Variants in ABLIM2 observed in about 807,000 individuals in gnomAD.
The protein encoded by ABLIM2 is actin-binding LIM protein 2.
ABLIM2 carries 53 observed loss-of-function variants against 97.7 expected under a neutral mutation model. The ratio of observed to expected loss-of-function variants is 0.54; its 90% CI spans 0.44 to 0.68. The LOEUF is 0.68. Among genes scored for constraint, ABLIM2 ranks in the 30% least tolerant of loss-of-function variants. The probability of loss-of-function intolerance (pLI) is 0.00; values close to 1 mark genes in which losing one functional copy is unlikely to be tolerated. For missense variants in ABLIM2, 835 were observed against 867.2 expected (o/e 0.96, Z 0.47); for synonymous variants, 361 against 345.8 (o/e 1.04, Z -0.49).
At chr4:8,029,870 C>T (rs575429795) in intron 10 of ABLIM2, 94 bp from the exon 11 acceptor site, 37 of 1,473,208 alleles carry the variant, frequency 2.5e-5, no homozygotes, top group Non-Finnish European at 3.2e-5. Flanking sequence ...TGTTTGCCCT[C>T]CTGACCCAAG....
intron 1 of ABLIM2, among the ~76,000 whole-genome samples, chr4:8,135,958 G>A (rs950128634): frequency 2.0e-5 from 3 of 152,202 alleles, no homozygotes; most frequent in Non-Finnish European, 2.9e-5. Context: ...CACCTGCCAC[G>A]GAGCTGCTGA....
At chr4:7,991,756 G>A (rs769870222) in intron 17 of ABLIM2, among the ~76,000 whole-genome samples, 2 of 152,120 alleles carry the variant, frequency 1.3e-5, no homozygotes, top group Non-Finnish European at 2.9e-5. Context: ...CTGGGCCCTG[G>A]GGGAGATCCG....
At chr4:8,134,385 G>A (rs912570147) in intron 1 of ABLIM2, among the ~76,000 whole-genome samples, 15 of 152,182 alleles carry the variant, frequency 9.9e-5, no homozygotes, top group Admixed American at 6.5e-4. Context: ...GGAGGCACTC[G>A]CCCAGGCCGG....
At chr4:8,057,744 C>T (rs1316103193) in intron 7 of ABLIM2, among the ~76,000 whole-genome samples, 4 of 152,184 alleles carry the variant, frequency 2.6e-5, no homozygotes, top group Admixed American at 1.3e-4. Context: ...GGTGGCATTG[C>T]GGGGGTTGGC....
Position 8,046,473 on chromosome 4 carries a change from C to T in ABLIM2, c.823-1232G>A, listed in dbSNP as rs1360794620. On this transcript the variant is annotated intron_variant, in intron 8 of 20. Transcript: ENST00000447017. This position sits in a 1 kb window ranked among gnomAD's most constrained non-coding sequence, Gnocchi z 4.4. ...TATCCACAGAGGCCTCCCCAGCCCT[C>T]AGCAGCCAAGAGCTCAGCCCTCACT... Among the ~76,000 whole-genome samples, 1 of 152,180 alleles carries T rather than the reference C, an allele frequency of 6.6e-6. No homozygotes were observed. The highest frequency in any genetic ancestry group is 1.5e-5 in the Non-Finnish European group (1 of 68,032).
At position 8,019,220 on chromosome 4, in the gene ABLIM2, T is replaced by C. The variant is rs1466475329; in HGVS notation, c.1423+398A>G. Among the ~76,000 whole-genome samples the C allele has an allele frequency of 6.6e-6, 1 of 152,224 alleles. No homozygotes were observed. Among genetic ancestry groups the C allele is most frequent in the Non-Finnish European group, 1.5e-5 (1 of 68,048 alleles). ...GAGGAATAAACGACCGATTCAAGTT[T>C]GTTCTATATTCCAAAGATCGGGCCT... On this transcript the variant is annotated intron_variant, in intron 14 of 20. Coordinates refer to ENST00000447017, the MANE Select transcript of ABLIM2 (RefSeq NM_001130083.2). The surrounding 1 kb of genome is among the most constrained non-coding windows in gnomAD (Gnocchi z 4.3).
intron 1 of ABLIM2, among the ~76,000 whole-genome samples, chr4:8,156,407 A>G (rs1471275509): frequency 6.6e-6 from 1 of 152,144 alleles, no homozygotes; most frequent in African/African-American, 2.4e-5. Context: ...CCTGTCTGGT[A>G]TGGGATGCCA....
chr4:7,996,424 G>C lies in ABLIM2; in HGVS notation c.1619-3497C>G, dbSNP rs893636484. ...GGTTCCCAGTGCCCAGGCTGCCGCC[G>C]ACCGGTCTCAACTTTTAACCACTTC... On this transcript the variant is annotated intron_variant, in intron 16 of 20. Coordinates refer to ENST00000447017, the MANE Select transcript of ABLIM2 (RefSeq NM_001130083.2). This position sits in a 1 kb window ranked among gnomAD's most constrained non-coding sequence, Gnocchi z 4.5. 6.6e-6 allele frequency among the ~76,000 whole-genome samples: 1 copy of C among 152,162 alleles called. No individual in the cohort carries two copies. Among genetic ancestry groups the C allele is most frequent in the South Asian group, 2.1e-4 (1 of 4,830 alleles).
At chr4:7,994,616 T>TCACCTTATACAAA (rs1751782355) in intron 16 of ABLIM2, among the ~76,000 whole-genome samples, 1 of 78,584 alleles carries the variant, frequency 1.3e-5, no homozygotes, top group African/African-American at 3.9e-5. Flanking sequence ...ATATACCCAG[T>TCACCTTATACAAA]AATGGGATGG....
chr4:7,973,501 GA>G (rs35927675), intron 20 of ABLIM2, among the ~76,000 whole-genome samples: 14,897 of 139,140 alleles, frequency 0.11, 956 homozygotes, highest in Non-Finnish European at 0.15. Context: ...ACTACGTCTT[GA>G]AAAAAAAAAA....
In ABLIM2 at chr4:8,046,216, C is replaced by A. The variant is rs1004536405; in HGVS notation, c.823-975G>T. On this transcript the variant is annotated intron_variant, in intron 8 of 20. Transcript: ENST00000447017. This position sits in a 1 kb window ranked among gnomAD's most constrained non-coding sequence, Gnocchi z 4.4. ...TCCCCTGGGCTGATGGTTTTTGTGA[C>A]TGTCCTGCCTCTCCCCCCACCTCAG... is the stretch of plus-strand genomic sequence containing the variant. 5.9e-5 allele frequency among the ~76,000 whole-genome samples: 9 copies of A among 152,142 alleles called. No individual in the cohort carries two copies. Among genetic ancestry groups the A allele is most frequent in the Non-Finnish European group, 7.4e-5 (5 of 68,020 alleles).
intron 1 of ABLIM2, among the ~76,000 whole-genome samples, chr4:8,119,322 TTC>T (rs372989607): frequency 2.3e-5 from 3 of 129,986 alleles, no homozygotes; most frequent in Non-Finnish European, 5.1e-5. Context: ...TCGGGCTTCC[TTC>T]TTTTTTTTTT....
At chr4:8,109,733 G>A (rs935526216) in intron 1 of ABLIM2, among the ~76,000 whole-genome samples, 5 of 152,222 alleles carry the variant, frequency 3.3e-5, no homozygotes, top group Admixed American at 2.6e-4. Context: ...AGAGGGGTTG[G>A]CCTGGGAAGC....
Position 8,043,849 on chromosome 4 carries a change from G to A in ABLIM2, c.900+1315C>T, listed in dbSNP as rs561538711. 4.1e-4 allele frequency among the ~76,000 whole-genome samples: 63 copies of A among 152,342 alleles called. 1 individual carries two copies. The South Asian group carries it at 0.012, about 28-fold the overall frequency. Reference sequence around the variant, plus strand: ...GCAGCGCCTCAGTGAGCCCTGGACCGAAGGTGCCTGGGGGTCTCCGTGGAT... The same window carrying A: ...GCAGCGCCTCAGTGAGCCCTGGACCAAAGGTGCCTGGGGGTCTCCGTGGAT... On this transcript the variant is annotated intron_variant, in intron 9 of 20. Transcript: ENST00000447017. The surrounding 1 kb of genome is among the most constrained non-coding windows in gnomAD (Gnocchi z 4.8).
rs1260652561 is a variant in ABLIM2, at chr4:8,127,656, G to A, written c.11-21019C>T. ...CCTGGCACCCACGGAGGATCGGGCA[G>A]GAGTGGACCGGGGAAGAGCCTCTGT... On this transcript the variant is annotated intron_variant, in intron 1 of 20. Transcript: ENST00000447017. The surrounding 1 kb of genome is among the most constrained non-coding windows in gnomAD (Gnocchi z 7.3). 7 of 1,281,708 alleles carry A rather than the reference G, an allele frequency of 5.5e-6. No homozygotes were observed. The highest frequency in any genetic ancestry group is 6.1e-6 in the Non-Finnish European group (6 of 982,918). The allele number at this position is 1,281,708 out of a possible 1,614,324, so 79.4% of individuals were successfully genotyped here.
chr4:8,047,930 C>G (rs534374430), intron 8 of ABLIM2, among the ~76,000 whole-genome samples: 1 of 152,370 alleles, frequency 6.6e-6, no homozygotes. Context: ...AAGAAAGATT[C>G]TCTGAAGCCG....
In ABLIM2 at chr4:8,071,272, G is replaced by A. The variant is rs1577142034; in HGVS notation, c.675+6356C>T. Among the ~76,000 whole-genome samples the A allele has an allele frequency of 1.3e-5, 2 of 152,202 alleles. No homozygotes were observed. The highest frequency in any genetic ancestry group is 4.8e-5 in the African/African-American group (2 of 41,546). On this transcript the variant is annotated intron_variant, in intron 6 of 20. Transcript: ENST00000447017. The surrounding 1 kb of genome is among the most constrained non-coding windows in gnomAD (Gnocchi z 6.2). ...TCCCCCATCCCTAGCCAGCCATCCC[G>A]GCCCAGGAGTGGGACACAGATATCA... is the stretch of plus-strand genomic sequence containing the variant.
chr4:7,977,166 G>C (rs1278160850), intron 20 of ABLIM2, among the ~76,000 whole-genome samples: 1 of 152,110 alleles, frequency 6.6e-6, no homozygotes. Flanking sequence ...TGTTTGACAG[G>C]TCCTCCTTCA....
intron 20 of ABLIM2, among the ~76,000 whole-genome samples, chr4:7,976,473 C>G (rs1210243157): frequency 6.6e-6 from 1 of 152,202 alleles, no homozygotes; most frequent in African/African-American, 2.4e-5. Context: ...TGCCATTGCT[C>G]TTAGGCTAAA....
Sources: gnomAD v4.1 joint callset for allele counts (sites outside exome capture counted in the v4.1 genomes callset) on GRCh38, gnomAD v4.1.1 for gene constraint, Gnocchi (gnomAD v3.1) non-coding constraint, MANE v1.5 for transcripts, NCBI Gene and HGNC (gene_info 2026-07-23, HGNC 2026-07-21) for gene names.